Variants in PACS1 observed in about 807,000 individuals in gnomAD.
The protein encoded by PACS1 is phosphofurin acidic cluster sorting protein 1.
A neutral mutation model predicts 115.0 loss-of-function variants in PACS1; 24 were observed. That is an observed-to-expected ratio of 0.21 (90% CI 0.15 to 0.29). The LOEUF is 0.29. Among genes scored for constraint, PACS1 ranks in the 10% least tolerant of loss-of-function variants. The probability of loss-of-function intolerance (pLI) is 1.00; values close to 1 mark genes in which losing one functional copy is unlikely to be tolerated. For missense variants in PACS1, 838 were observed against 1,251.2 expected (o/e 0.67, Z 4.98); for synonymous variants, 453 against 504.5 (o/e 0.90, Z 1.37).
intron 1 of PACS1, among the ~76,000 whole-genome samples, chr11:66,093,629 C>T (rs202111684): frequency 8.3e-3 from 1,050 of 126,436 alleles, no homozygotes; most frequent in East Asian, 0.012. Flanking sequence ...CAACATTAGA[C>T]AGATCAACAA....
chr11:66,098,196 A>G (rs1857830728), intron 1 of PACS1, among the ~76,000 whole-genome samples: 1 of 151,928 alleles, frequency 6.6e-6, no homozygotes, highest in Admixed American at 6.6e-5. Context: ...AAAAATAATA[A>G]GAGTAAGAAT....
At chr11:66,074,748 A>G (rs75300533) in intron 1 of PACS1, among the ~76,000 whole-genome samples, 236 of 152,218 alleles carry the variant, frequency 1.6e-3, no homozygotes, top group African/African-American at 5.6e-3. Flanking sequence ...TTGGAATCAC[A>G]GAAGGTGGCC....
intron 2 of PACS1, among the ~76,000 whole-genome samples, chr11:66,200,554 T>G (rs914090690): frequency 5.3e-5 from 8 of 151,052 alleles, no homozygotes; most frequent in African/African-American, 1.9e-4. Context: ...TAAAAATTGA[T>G]AAGTTCATTA....
At chr11:66,170,651 A>G (rs776323131) in intron 1 of PACS1, among the ~76,000 whole-genome samples, 3 of 149,784 alleles carry the variant, frequency 2.0e-5, no homozygotes, top group Non-Finnish European at 4.4e-5. Context: ...TTATTGGTAA[A>G]GGCTGGGTGG....
intron 1 of PACS1, 100 bp from the exon 2 acceptor site, chr11:66,193,364 GGGACTGAGGACAGCGTTCTCAC>G (rs1854572589): frequency 3.1e-6 from 2 of 636,590 alleles, no homozygotes; most frequent in Non-Finnish European, 5.8e-6. Context: ...GGGGACCCCT[GGGACTGAGGACAGCGTTCTCAC>G]ATTCTTACTT....
chr11:66,244,491 G>T lies in PACS1; in HGVS notation c.*1211G>T. ...CCAGCCCTCTGCACCCCCCAGCCCG[G>T]CCATCTGCGCCCCACAGCCCCTTTG... On this transcript the variant is annotated 3_prime_UTR_variant, in exon 24 of 24. Transcript: ENST00000320580. 6.6e-6 allele frequency: 1 copy of T among 152,520 alleles called. No homozygotes were observed. 9.4% of individuals were successfully genotyped at this position (152,520 alleles called of 1,614,324 possible).
At chr11:66,097,423 GCA>G (rs1169201961) in intron 1 of PACS1, among the ~76,000 whole-genome samples, 1 of 152,150 alleles carries the variant, frequency 6.6e-6, no homozygotes, top group Non-Finnish European at 1.5e-5. Flanking sequence ...CCCACAGCCA[GCA>G]AGAGACTGTG....
intron 11 of PACS1, among the ~76,000 whole-genome samples, chr11:66,229,021 G>A (rs1034998461): frequency 7.9e-5 from 12 of 151,794 alleles, no homozygotes; most frequent in African/African-American, 2.9e-4. Context: ...GGAGGCACGG[G>A]AGGTTAATTT....
chr11:66,153,547 T>C (rs1227993279), intron 1 of PACS1, among the ~76,000 whole-genome samples: 2 of 151,960 alleles, frequency 1.3e-5, no homozygotes. Context: ...TTTGGGAGGC[T>C]CAGGTGGGCG....
intron 1 of PACS1, among the ~76,000 whole-genome samples, chr11:66,171,065 A>G (rs764450068): frequency 2.7e-5 from 4 of 150,456 alleles, no homozygotes; most frequent in Non-Finnish European, 5.9e-5. Context: ...TGGTAATGTT[A>G]GCATTTTTTT....
intron 1 of PACS1, among the ~76,000 whole-genome samples, chr11:66,099,150 TCTC>T (rs1273480378): frequency 6.6e-6 from 1 of 151,074 alleles, no homozygotes; most frequent in Non-Finnish European, 1.5e-5. Context: ...CTCAAGCAGT[TCTC>T]CTGCCTCAGC....
chr11:66,181,493 C>T (rs1249249846), intron 1 of PACS1, among the ~76,000 whole-genome samples: 2 of 152,022 alleles, frequency 1.3e-5, no homozygotes, highest in Admixed American at 6.6e-5. Context: ...GGGTTATAGA[C>T]GTAAGCCACC....
intron 12 of PACS1, 45 bp downstream of exon 12, chr11:66,230,708 G>T (rs1244036707): frequency 6.2e-7 from 1 of 1,610,322 alleles, no homozygotes; most frequent in South Asian, 1.1e-5. Context: ...CTGCAGCTGT[G>T]CTTAGCATGG....
chr11:66,232,640 G>A (rs186879421), intron 14 of PACS1, among the ~76,000 whole-genome samples: 2 of 152,346 alleles, frequency 1.3e-5, no homozygotes, highest in African/African-American at 2.4e-5. Context: ...ATGAAGGCAG[G>A]TCAGCAAGGC....
intron 7 of PACS1, 172 bp downstream of exon 7, chr11:66,216,947 T>G (rs1435309083): frequency 5.0e-6 from 3 of 602,856 alleles, no homozygotes; most frequent in Admixed American, 2.7e-5. Context: ...GACTCACTGT[T>G]GTTGGGAACC....
intron 1 of PACS1, among the ~76,000 whole-genome samples, chr11:66,179,741 A>C (rs1200447413): frequency 6.6e-6 from 1 of 152,212 alleles, no homozygotes; most frequent in Non-Finnish European, 1.5e-5. Context: ...AAGGGGCTTG[A>C]AATTAACTTG....
chr11:66,084,240 G>C (rs934713226), intron 1 of PACS1: 2 of 152,298 alleles, frequency 1.3e-5, no homozygotes, highest in Non-Finnish European at 2.9e-5. Context: ...GGTAAGCTGG[G>C]TGCATTTTAT....
intron 2 of PACS1, 33 bp from the exon 3 acceptor site, chr11:66,210,329 C>G (rs753363193): frequency 1.9e-6 from 3 of 1,567,442 alleles, no homozygotes; most frequent in Non-Finnish European, 1.8e-6. Flanking sequence ...AGCCACTGCA[C>G]CTGGCCAAAC....
chr11:66,089,464 A>G (rs1857621806), intron 1 of PACS1, among the ~76,000 whole-genome samples: 1 of 152,200 alleles, frequency 6.6e-6, no homozygotes, highest in Admixed American at 6.5e-5. Context: ...GCAAACAGTT[A>G]ATCTTTACAG....
Sources: allele counts gnomAD v4.1 joint callset (sites outside exome capture counted in the v4.1 genomes callset), GRCh38; gene constraint gnomAD v4.1.1; transcripts MANE v1.5; gene names NCBI Gene and HGNC (gene_info 2026-07-23, HGNC 2026-07-21).